The following STOX2 variants were observed in gnomAD, a reference collection of about 807,000 sequenced individuals.
STOX2 encodes the protein storkhead box 2, also known as storkhead-box protein 2.
In STOX2, 28 loss-of-function variants were observed where a neutral mutation model predicts 60.9. The ratio of observed to expected loss-of-function variants is 0.46; its 90% confidence interval spans 0.34 to 0.63. The LOEUF (loss-of-function observed/expected upper bound fraction) is 0.63. Ranked by LOEUF, STOX2 falls within the 30% of genes least tolerant of loss-of-function variation. The probability of loss-of-function intolerance (pLI) is 0.01; values close to 1 mark genes in which losing one functional copy is unlikely to be tolerated. For missense variants in STOX2, 1,024 were observed against 1,187.7 expected, an observed-to-expected ratio of 0.86 and a Z score of 2.03; for synonymous variants, 472 against 463.9, an observed-to-expected ratio of 1.02 and a Z score of -0.22.
chr4:184,011,723 C>A lies in STOX2; in HGVS notation c.2585+300C>A. Reference sequence around the variant, plus strand: ...TATTTTTTCTGCTACGTTCATATTGCCACCCATGCTAAGAGAAGGATGTTT... The same window carrying A: ...TATTTTTTCTGCTACGTTCATATTGACACCCATGCTAAGAGAAGGATGTTT... On this transcript the variant is annotated intron_variant, in intron 3 of 3. Coordinates refer to ENST00000308497, the MANE Select transcript of STOX2 (RefSeq NM_020225.3). The surrounding 1 kb of genome is among the most constrained non-coding windows in gnomAD (Gnocchi z 4.4). The A allele has an allele frequency of 2.0e-6, 2 of 976,990 alleles. No homozygotes were observed. Among genetic ancestry groups the A allele is most frequent in the Non-Finnish European group, 2.8e-6 (2 of 723,670 alleles). 60.5% of individuals were successfully genotyped at this position (976,990 alleles called of 1,614,324 possible). A position where few individuals can be genotyped will look rare whatever the true frequency, so the allele number is the denominator to read the frequency against.
intron 1 of STOX2, among the ~76,000 whole-genome samples, chr4:183,884,431 A>G (rs1250061150): frequency 6.6e-6 from 1 of 152,046 alleles, no homozygotes. Context: ...TGAGCTCAGG[A>G]GTTCGTGACC....
chr4:183,903,659 T>C (rs1375149492), upstream of STOX2, among the ~76,000 whole-genome samples: 5 of 152,222 alleles, frequency 3.3e-5, no homozygotes, highest in African/African-American at 1.2e-4. Flanking sequence ...ATTATAATCA[T>C]TCATATAACC....
At chr4:183,846,876 C>T (rs933196132) in intron 1 of STOX2, among the ~76,000 whole-genome samples, 2 of 151,754 alleles carry the variant, frequency 1.3e-5, no homozygotes, top group East Asian at 1.9e-4. Flanking sequence ...TGTGATAACT[C>T]GGGTAGTCAG....
rs143894134 is a variant in STOX2, at chr4:183,891,719, T to C, written c.364+93664T>C. On this transcript the variant is annotated intron_variant, in intron 1 of 2. Coordinates refer to the STOX2 transcript ENST00000513034. ...AAATCACCACTAAAAAACTTACTTA[T>C]GTCGCCACACACCACCTGTTCCTGA... 8.4e-4 allele frequency among the ~76,000 whole-genome samples: 128 copies of C among 152,006 alleles called. No individual in the cohort carries two copies. In the East Asian group the frequency reaches 0.021, roughly 25 times the overall value.
intron 1 of STOX2, among the ~76,000 whole-genome samples, chr4:183,951,099 C>T (rs1024816937): frequency 2.6e-5 from 4 of 151,494 alleles, no homozygotes; most frequent in East Asian, 2.0e-4. Context: ...GCCTGTAGTC[C>T]CAGCTACTCG....
chr4:183,941,107 ATTTAGTTTATCTT>A (rs1318133830), intron 1 of STOX2, among the ~76,000 whole-genome samples: 1 of 152,194 alleles, frequency 6.6e-6, no homozygotes, highest in African/African-American at 2.4e-5. Context: ...ATTAGGTCAT[ATTTAGTTTATCTT>A]TTCAAGAACC....
At chr4:183,967,641 C>G (rs1280436738) in intron 1 of STOX2, among the ~76,000 whole-genome samples, 1 of 152,064 alleles carries the variant, frequency 6.6e-6, no homozygotes, top group Non-Finnish European at 1.5e-5. Flanking sequence ...GCTCTACGCT[C>G]TAGTTGTTTT....
upstream of STOX2, among the ~76,000 whole-genome samples, chr4:183,901,056 C>T (rs997116109): frequency 9.2e-5 from 14 of 152,228 alleles, no homozygotes; most frequent in Non-Finnish European, 1.6e-4. Flanking sequence ...ACTCAAACAA[C>T]AACCCCTCCT....
chr4:183,839,401 T>G (rs1349368549), intron 1 of STOX2, among the ~76,000 whole-genome samples: 2 of 152,164 alleles, frequency 1.3e-5, no homozygotes, highest in African/African-American at 4.8e-5. Context: ...GACTTTAACG[T>G]TCTCCTGCAT....
intron 1 of STOX2, among the ~76,000 whole-genome samples, chr4:183,961,450 A>G (rs1380091202): frequency 6.6e-6 from 1 of 152,190 alleles, no homozygotes; most frequent in Non-Finnish European, 1.5e-5. Context: ...GCATGTGAGG[A>G]AGCTGGATGA....
intron 1 of STOX2, among the ~76,000 whole-genome samples, chr4:183,858,168 A>G (rs1178877414): frequency 6.6e-6 from 1 of 152,106 alleles, no homozygotes; most frequent in Non-Finnish European, 1.5e-5. Flanking sequence ...CCCCATCCCT[A>G]AGCTCTCCCT....
intron 1 of STOX2, among the ~76,000 whole-genome samples, chr4:183,990,254 C>G (rs1733043092): frequency 6.6e-6 from 1 of 152,138 alleles, no homozygotes; most frequent in African/African-American, 2.4e-5. Flanking sequence ...ATCTCTGTCC[C>G]CTGGAAAGTT....
chr4:183,899,552 TACA>T (rs1161988230), intron 1 of STOX2, among the ~76,000 whole-genome samples: 1 of 152,204 alleles, frequency 6.6e-6, no homozygotes, highest in African/African-American at 2.4e-5. Context: ...CCAAGCCAGT[TACA>T]ACATTTCCTG....
intron 1 of STOX2, among the ~76,000 whole-genome samples, chr4:183,967,172 G>A (rs1025332727): frequency 2.6e-5 from 4 of 152,072 alleles, no homozygotes; most frequent in East Asian, 1.9e-4. Context: ...AGACCAGCCC[G>A]ACCAACACGG....
chr4:183,812,464 T>A (rs1367291536), intron 1 of STOX2, among the ~76,000 whole-genome samples: 1 of 152,214 alleles, frequency 6.6e-6, no homozygotes, highest in Non-Finnish European at 1.5e-5. Flanking sequence ...CTAAAATCAG[T>A]ATTAAATTTT....
intron 1 of STOX2, among the ~76,000 whole-genome samples, chr4:183,995,587 C>T (rs1362594547): frequency 1.3e-5 from 2 of 152,124 alleles, no homozygotes; most frequent in African/African-American, 2.4e-5. Flanking sequence ...AGCAGGTTGG[C>T]GTCTGCAGGA....
intron 1 of STOX2, among the ~76,000 whole-genome samples, chr4:183,994,957 C>T (rs1733268078): frequency 6.6e-6 from 1 of 152,032 alleles, no homozygotes. Context: ...TTAAAGAAAG[C>T]TAAGATAGAG....
chr4:183,858,800 C>A (rs1740362796), intron 1 of STOX2, among the ~76,000 whole-genome samples: 1 of 152,102 alleles, frequency 6.6e-6, no homozygotes, highest in Non-Finnish European at 1.5e-5. Context: ...TAGTCGACTT[C>A]TTTATACTTA....
intron 1 of STOX2, among the ~76,000 whole-genome samples, chr4:183,813,308 G>A (rs1467439840): frequency 3.3e-5 from 5 of 152,124 alleles, no homozygotes; most frequent in Admixed American, 2.6e-4. Flanking sequence ...GCTTGAACCC[G>A]GGAAGTGGAG....
Sources: allele counts gnomAD v4.1 joint callset (sites outside exome capture counted in the v4.1 genomes callset), GRCh38; gene constraint gnomAD v4.1.1; non-coding constraint Gnocchi (gnomAD v3.1); transcripts MANE v1.5; gene names NCBI Gene and HGNC (gene_info 2026-07-23, HGNC 2026-07-21).